KIAA1671: variants seen among roughly 807,000 people sequenced by gnomAD.
KIAA1671 encodes KIAA1671.
Under a neutral mutation model 131.2 loss-of-function variants are expected in KIAA1671, and 52 were observed. The observed-to-expected ratio is 0.40, with a 90% CI of 0.32 to 0.50. KIAA1671 has a LOEUF of 0.50. KIAA1671 is among the 20% of genes least tolerant of loss of function. KIAA1671 has a pLI of 0.73. For missense variants in KIAA1671, 2,360 were observed against 2,364.2 expected, an observed-to-expected ratio of 1.00 and a Z score of 0.04; for synonymous variants, 1,003 against 961.6, an observed-to-expected ratio of 1.04 and a Z score of -0.80.
intron 6 of KIAA1671, among the ~76,000 whole-genome samples, chr22:25,070,636 G>A (rs1928773398): frequency 6.6e-6 from 1 of 151,672 alleles, no homozygotes; most frequent in African/African-American, 2.4e-5. Flanking sequence ...TGAGACTCCT[G>A]AACAGGAATG....
At chr22:25,099,568 T>C (rs1421842189) in intron 6 of KIAA1671, among the ~76,000 whole-genome samples, 1 of 116,968 alleles carries the variant, frequency 8.5e-6, no homozygotes, top group African/African-American at 3.7e-5. Context: ...TTTTTTTTTT[T>C]TTTTTAGATA....
intron 1 of KIAA1671, chr22:25,013,822 G>A (rs1925168071): frequency 6.6e-6 from 1 of 152,134 alleles, no homozygotes; most frequent in African/African-American, 2.4e-5. Flanking sequence ...AAACCTTCTA[G>A]TCAAGCTTAT....
chr22:25,045,113 A>G (rs1927150838), intron 5 of KIAA1671, among the ~76,000 whole-genome samples: 2 of 152,160 alleles, frequency 1.3e-5, no homozygotes, highest in African/African-American at 4.8e-5. Context: ...GTGAGCCAAG[A>G]TCACGCCACT....
chr22:24,990,665 G>A (rs1199123276), intron 1 of KIAA1671, among the ~76,000 whole-genome samples: 1 of 152,226 alleles, frequency 6.6e-6, no homozygotes, highest in Admixed American at 6.5e-5. Flanking sequence ...GACACAGCAG[G>A]CACCTGCTCA....
At chr22:24,997,517 G>T (rs1924201416) in intron 1 of KIAA1671, among the ~76,000 whole-genome samples, 1 of 152,164 alleles carries the variant, frequency 6.6e-6, no homozygotes, top group African/African-American at 2.4e-5. Context: ...TAGGAGCTGG[G>T]AGGGAAAGGG....
intron 6 of KIAA1671, among the ~76,000 whole-genome samples, chr22:25,142,791 C>A (rs1333170994): frequency 6.6e-6 from 1 of 152,206 alleles, no homozygotes; most frequent in African/African-American, 2.4e-5. Context: ...ATTACTTGAA[C>A]CCGGGAGGTA....
chr22:25,165,404 T>G (rs767464898), intron 6 of KIAA1671, among the ~76,000 whole-genome samples: 1 of 152,180 alleles, frequency 6.6e-6, no homozygotes, highest in Non-Finnish European at 1.5e-5. Flanking sequence ...AAGCAGTGTT[T>G]GTTCAGGGAA....
intron 12 of KIAA1671, among the ~76,000 whole-genome samples, chr22:25,191,145 C>CT (rs142339652): frequency 0.08 from 10,366 of 128,956 alleles, 1,065 homozygotes; most frequent in African/African-American, 0.23. Flanking sequence ...GAAATGGTTA[C>CT]TTTTTTTTTT....
At chr22:25,006,513 T>C (rs918379489) in intron 1 of KIAA1671, among the ~76,000 whole-genome samples, 1 of 152,140 alleles carries the variant, frequency 6.6e-6, no homozygotes, top group African/African-American at 2.4e-5. Context: ...ATGTGGGCTT[T>C]GGGGTTTTTC....
chr22:24,985,735 AGTGTGTGTGTGTATGT>A (rs1364469171), intron 1 of KIAA1671, among the ~76,000 whole-genome samples: 1 of 146,322 alleles, frequency 6.8e-6, no homozygotes, highest in East Asian at 2.0e-4. Context: ...AGAGTGTGTG[AGTGTGTGTGTGTATGT>A]GTGTGTGTGT....
rs572706101 is a variant in KIAA1671 at position 25,083,935 on chromosome 22, C to T, written c.4530+34571C>T. Among the ~76,000 whole-genome samples, 16 of 152,328 alleles carry T rather than the reference C, an allele frequency of 1.1e-4. No homozygotes were observed. In the South Asian group the frequency reaches 2.1e-3, roughly 20 times the overall value. ...CTCTGCCCTGACCGCCCCTATTTGC[C>T]GAGAGCAGCCTGGGCCCAGTGAAAG... On this transcript the variant is annotated intron_variant, in intron 6 of 12. Transcript: ENST00000358431.
At chr22:25,183,959 C>A (rs535485139) in intron 10 of KIAA1671, among the ~76,000 whole-genome samples, 2 of 152,280 alleles carry the variant, frequency 1.3e-5, no homozygotes, top group African/African-American at 4.8e-5. Flanking sequence ...AGATGGAGGC[C>A]CTGGGGCTCC....
intron 6 of KIAA1671, among the ~76,000 whole-genome samples, chr22:25,076,363 C>T (rs1341964247): frequency 6.6e-6 from 1 of 152,126 alleles, no homozygotes; most frequent in African/African-American, 2.4e-5. Context: ...GAGCTGTCTC[C>T]TGTGTCAGCT....
At chr22:25,164,041 C>T (rs76359974) in intron 6 of KIAA1671, among the ~76,000 whole-genome samples, 4,227 of 152,304 alleles carry the variant, frequency 0.028, 91 homozygotes, top group Middle Eastern at 0.061. Context: ...AGGCACTTGT[C>T]TTTGCCTGCA....
intron 6 of KIAA1671, chr22:25,062,844 C>CGCCA (rs1928244896): frequency 7.6e-6 from 1 of 130,818 alleles, no homozygotes; most frequent in African/African-American, 2.7e-5. Context: ...ACCCGCCACT[C>CGCCA]CCTAGTTGTG....
At chr22:25,178,945 G>A (rs1331519605) in intron 9 of KIAA1671, among the ~76,000 whole-genome samples, 1 of 152,248 alleles carries the variant, frequency 6.6e-6, no homozygotes, top group East Asian at 1.9e-4. Context: ...CAGAGGACCT[G>A]CCCTGACCTG....
chr22:25,176,968 T>C lies in KIAA1671; in HGVS notation c.4900-380T>C, dbSNP rs115012725. The C allele has an allele frequency of 4.8e-3, 845 of 175,002 alleles. 9 individuals are homozygous for C. Among genetic ancestry groups the C allele is most frequent in the African/African-American group, 0.019 (792 of 42,514 alleles). The allele number at this position is 175,002 out of a possible 1,614,324, so 10.8% of individuals were successfully genotyped here. A position where few individuals can be genotyped will look rare whatever the true frequency, so the allele number is the denominator to read the frequency against. On this transcript the variant is annotated intron_variant, in intron 8 of 12. Transcript: ENST00000358431. ...AGTTAGATGTTGAATCCATTATTCA[T>C]TCAACAAACAAACATTAATTGAGCT...
chr22:25,147,423 C>G (rs1422592332), intron 6 of KIAA1671, among the ~76,000 whole-genome samples: 3 of 152,046 alleles, frequency 2.0e-5, no homozygotes, highest in Admixed American at 2.0e-4. Context: ...AAACTCTCAA[C>G]CTCAGGTGAT....
chr22:24,974,355 T>A (rs1357322992), intron 1 of KIAA1671, among the ~76,000 whole-genome samples: 1 of 152,150 alleles, frequency 6.6e-6, no homozygotes, highest in African/African-American at 2.4e-5. Context: ...ACATGCCAGG[T>A]ACTGTGTTAG....
Sources: allele counts gnomAD v4.1 joint callset (sites outside exome capture counted in the v4.1 genomes callset), GRCh38; gene constraint gnomAD v4.1.1; transcripts MANE v1.5; gene names NCBI Gene and HGNC (gene_info 2026-07-23, HGNC 2026-07-21).